Variants in ZNF746 observed in about 807,000 individuals in gnomAD.
ZNF746 encodes parkin-interacting substrate.
A neutral mutation model predicts 41.0 loss-of-function variants in ZNF746; 13 were observed. The ratio of observed to expected loss-of-function variants is 0.32; its 90% CI spans 0.21 to 0.50. The LOEUF (loss-of-function observed/expected upper bound fraction) is 0.50, where lower values mean the gene tolerates loss of function less well. Ranked by LOEUF, ZNF746 falls within the 20% of genes least tolerant of loss-of-function variation. The probability of loss-of-function intolerance (pLI) is 0.98; values close to 1 mark genes in which losing one functional copy is unlikely to be tolerated. For missense variants in ZNF746, 811 were observed against 922.9 expected, an observed-to-expected ratio of 0.88 and a Z score of 1.57; for synonymous variants, 424 against 396.2, an observed-to-expected ratio of 1.07 and a Z score of -0.83.
chr7:149,497,212 A>G lies in ZNF746; in HGVS notation c.24+301T>C, dbSNP rs1157764866. 1 of 983,610 alleles carries G rather than the reference A, an allele frequency of 1.0e-6. No individual in the cohort carries two copies. Among genetic ancestry groups the G allele is most frequent in the Non-Finnish European group, 1.2e-6 (1 of 828,574 alleles). The allele number at this position is 983,610 out of a possible 1,614,324, so 60.9% of individuals were successfully genotyped here. A position where few individuals can be genotyped will look rare whatever the true frequency, so the allele number is the denominator to read the frequency against. ...AGCCGCGGGTGGGGGGGCACCCAGA[A>G]GGAGGGGACAGCGGCTGGGGCGGGG... is the stretch of plus-strand genomic sequence containing the variant. On this transcript the variant is annotated intron_variant, in intron 1 of 6. Transcript: ENST00000458143. This position sits in a 1 kb window ranked among gnomAD's most constrained non-coding sequence, Gnocchi z 4.2.
chr7:149,476,705 A>ATG (rs1279085435), intron 6 of ZNF746, among the ~76,000 whole-genome samples: 6 of 152,378 alleles, frequency 3.9e-5, no homozygotes, highest in African/African-American at 1.4e-4. Context: ...AAAAAGCAAC[A>ATG]GACTGAAACA....
chr7:149,492,017 C>A, intron 4 of ZNF746: 2 of 702,514 alleles, frequency 2.8e-6, no homozygotes, highest in South Asian at 3.0e-5. Flanking sequence ...TAAGGCTGAC[C>A]AATGTAGACC....
intron 4 of ZNF746, among the ~76,000 whole-genome samples, chr7:149,479,249 A>G (rs1800415226): frequency 6.6e-6 from 1 of 152,248 alleles, no homozygotes; most frequent in Non-Finnish European, 1.5e-5. Flanking sequence ...AACCACAGCA[A>G]AGACAAAGAG....
rs888819258 is a variant in ZNF746, at chr7:149,472,864, T to C, written c.*1520A>G. 1 of 152,612 alleles carries C rather than the reference T, an allele frequency of 6.6e-6. No homozygotes were observed. The highest frequency in any genetic ancestry group is 1.5e-5 in the Non-Finnish European group (1 of 68,032). The allele number at this position is 152,612 out of a possible 1,614,324, so 9.5% of individuals were successfully genotyped here. The stretch of plus-strand genomic sequence containing the variant: ...TTTCAAAATATCAGTTATATCAATA[T>C]TAGAAGTGTAAACAGGTACAAAATA... On this transcript the variant is annotated 3_prime_UTR_variant, in exon 7 of 7. Transcript: ENST00000458143.
In ZNF746 at chr7:149,475,295, C is replaced by G; in HGVS notation, c.1072G>C (p.Val358Leu). Residue 358 changes from valine (V) to leucine (L), a missense_variant, in exon 7 of 7, where the codon GTG becomes CTG. Val to Leu is a conservative substitution (Grantham distance 32, BLOSUM62 1). Coordinates refer to ENST00000458143, the MANE Select transcript of ZNF746 (RefSeq NM_001394198.1). ...CGGGCGGGCTCTCGCAGCCCCAGCA[C>G]AGGGTCCTGGCTGGGGAAGGAGCTG... ...QGSSFPSQDP[V>L]LGLREPARPE... The G allele has an allele frequency of 6.2e-7, 1 of 1,613,710 alleles. No homozygotes were observed. Among genetic ancestry groups the G allele is most frequent in the South Asian group, 1.1e-5 (1 of 91,060 alleles).
At chr7:149,492,004 C>T in intron 4 of ZNF746, 1 of 702,956 alleles carries the variant, frequency 1.4e-6, no homozygotes, top group South Asian at 1.5e-5. Context: ...TAATACCAAA[C>T]CATAAGGCTG....
intron 4 of ZNF746, among the ~76,000 whole-genome samples, chr7:149,492,584 T>TCCTCC (rs1800839659): frequency 6.6e-6 from 1 of 152,150 alleles, no homozygotes; most frequent in African/African-American, 2.4e-5. Context: ...CCTCTCAGCG[T>TCCTCC]TCTCCTCTCC....
rs1800261557 is a variant in ZNF746, at chr7:149,475,344, C to T, written c.1023G>A (p.Gln341=). Residue 341 remains glutamine (Q), a synonymous_variant, in exon 7 of 7, where the codon CAG becomes CAA. Transcript: ENST00000458143. Reference sequence around the variant, plus strand: ...TGCCCTGGCTTTCCCAGGCTCCTTCCTGGGCAGGACTAGGGAAGAACCGTG... The same window carrying T: ...TGCCCTGGCTTTCCCAGGCTCCTTCTTGGGCAGGACTAGGGAAGAACCGTG... ...QATRFFPSPA[Q]EGAWESQGSS... is the part of the protein sequence containing the mutation. 7 of 1,613,992 alleles carry T rather than the reference C, an allele frequency of 4.3e-6. No individual in the cohort carries two copies. The South Asian group carries it at 7.7e-5, about 18-fold the overall frequency.
In ZNF746 at chr7:149,497,505, G is replaced by T. The variant is rs1471869574; in HGVS notation, c.24+8C>A. The T allele has an allele frequency of 2.7e-6, 3 of 1,100,748 alleles. No homozygotes were observed. Among genetic ancestry groups the T allele is most frequent in the East Asian group, 6.5e-5 (1 of 15,462 alleles). The allele number at this position is 1,100,748 out of a possible 1,614,324, so 68.2% of individuals were successfully genotyped here. A position where few individuals can be genotyped will look rare whatever the true frequency, so the allele number is the denominator to read the frequency against. Reference sequence around the variant, plus strand: ...CCGCGAGTCCCTGCGCGCGCGGGTCGCCCTTACCGGAGCCGCGACCGCCTC... The same window carrying T: ...CCGCGAGTCCCTGCGCGCGCGGGTCTCCCTTACCGGAGCCGCGACCGCCTC... On this transcript the variant is annotated splice_region_variant and intron_variant, in intron 1 of 6. Coordinates refer to ENST00000458143, the MANE Select transcript of ZNF746 (RefSeq NM_001394198.1). This position sits in a 1 kb window ranked among gnomAD's most constrained non-coding sequence, Gnocchi z 4.2.
At chr7:149,491,907 C>T (rs1800821329) in intron 4 of ZNF746, 2 of 701,828 alleles carry the variant, frequency 2.8e-6, no homozygotes, top group Non-Finnish European at 5.2e-6. Flanking sequence ...CTTCCCTTAA[C>T]TTTCAAAGGT....
intron 4 of ZNF746, among the ~76,000 whole-genome samples, chr7:149,482,027 A>G (rs562947807): frequency 6.6e-6 from 1 of 152,360 alleles, no homozygotes; most frequent in East Asian, 1.9e-4. Flanking sequence ...CCAAGATATA[A>G]AAAATGTTAC....
Position 149,474,526 on chromosome 7 carries a change from C to T in ZNF746, c.1841G>A (p.Gly614Asp), listed in dbSNP as rs200322947. 16 of 1,600,066 alleles carry T rather than the reference C, an allele frequency of 1.0e-5. No individual in the cohort carries two copies. Among genetic ancestry groups the T allele is most frequent in the African/African-American group, 1.3e-5 (1 of 74,544 alleles). ...TGCGGGCGGCGTCGGGAGTGGCTGG[C>T]CTCGGGCCGGGGTCTTGGCGCCCGC... ...HAAGAKTPAR[G>D]QPLPTPPAPP... Residue 614 changes from glycine to aspartate, a missense_variant, in exon 7 of 7, where the codon GGC becomes GAC. Around this residue, in one of 4 missense-constraint regions of ZNF746, gnomAD observed 99 missense variants for 80.3 expected, o/e 1.23. Coordinates refer to ENST00000458143, the MANE Select transcript of ZNF746 (RefSeq NM_001394198.1). The surrounding 1 kb of genome is among the most constrained non-coding windows in gnomAD (Gnocchi z 6.3).
In ZNF746 at chr7:149,474,601, T is replaced by C. The variant is rs759314340; in HGVS notation, c.1766A>G (p.Lys589Arg). ...GAGGTGGTCCTTGCGGATGAAGCTT[T>C]TGCCGCAGACGGTGCAGGTGAAGGG... ...VRPFTCTVCG[K>R]SFIRKDHLRK... Residue 589 changes from lysine to arginine, a missense_variant, in exon 7 of 7, where the codon AAA becomes AGA. Physicochemically the swap from Lys to Arg is conservative, Grantham distance 26 (BLOSUM62 2). Around this residue, in one of 4 missense-constraint regions of ZNF746, gnomAD observed 70 missense variants for 127.6 expected, o/e 0.55. Coordinates refer to ENST00000458143, the MANE Select transcript of ZNF746 (RefSeq NM_001394198.1). The surrounding 1 kb of genome is among the most constrained non-coding windows in gnomAD (Gnocchi z 6.3). 8.1e-6 allele frequency: 13 copies of C among 1,612,976 alleles called. No homozygotes were observed. Among genetic ancestry groups the C allele is most frequent in the Non-Finnish European group, 1.1e-5 (13 of 1,179,304 alleles).
At chr7:149,495,659 T>C (rs1240416197) in intron 1 of ZNF746, among the ~76,000 whole-genome samples, 1 of 152,176 alleles carries the variant, frequency 6.6e-6, no homozygotes, top group African/African-American at 2.4e-5. Context: ...AATGAAGAAG[T>C]AGCTACTAGA....
intron 4 of ZNF746, among the ~76,000 whole-genome samples, chr7:149,485,534 A>C (rs190481571): frequency 6.6e-6 from 1 of 152,366 alleles, no homozygotes; most frequent in Non-Finnish European, 1.5e-5. Flanking sequence ...TTTAGTAGGA[A>C]ATATGAGAAG....
chr7:149,493,864 A>C lies in ZNF746; in HGVS notation c.451+125T>G, dbSNP rs1056082171. 5.3e-6 allele frequency: 8 copies of C among 1,503,010 alleles called. 1 individual carries two copies. In the Admixed American group the frequency reaches 1.3e-4, roughly 24 times the overall value. The allele number at this position is 1,503,010 out of a possible 1,614,324, so 93.1% of individuals were successfully genotyped here. On this transcript the variant is annotated intron_variant, in intron 3 of 6. Coordinates refer to ENST00000458143, the MANE Select transcript of ZNF746 (RefSeq NM_001394198.1). The stretch of plus-strand genomic sequence containing the variant: ...GGGCTCATCCTTCACAAAAGGTAAC[A>C]ACTTGCAAGGTCAACAATGTTTCTG...
intron 4 of ZNF746, chr7:149,490,093 A>G: frequency 6.5e-6 from 1 of 152,724 alleles, no homozygotes. Context: ...CTTTGGCTGG[A>G]GGGTTGACAG....
At position 149,497,723 on chromosome 7, in the gene ZNF746, G is replaced by T; in HGVS notation, c.-187C>A. 1 of 246,492 alleles carries T rather than the reference G, an allele frequency of 4.1e-6. No individual in the cohort carries two copies. Among genetic ancestry groups the T allele is most frequent in the Non-Finnish European group, 6.5e-6 (1 of 153,260 alleles). The allele number at this position is 246,492 out of a possible 1,614,324, so 15.3% of individuals were successfully genotyped here. A position where few individuals can be genotyped will look rare whatever the true frequency, so the allele number is the denominator to read the frequency against. On this transcript the variant is annotated 5_prime_UTR_variant, in exon 1 of 7. Coordinates refer to ENST00000458143, the MANE Select transcript of ZNF746 (RefSeq NM_001394198.1). The surrounding 1 kb of genome is among the most constrained non-coding windows in gnomAD (Gnocchi z 4.2). ...AGTCGCGCCGCCTCCGTCAGCGCCC[G>T]GCCGGTCCACACTGCATCCTGGGAG...
Position 149,497,545 on chromosome 7 carries a change from G to A in ZNF746, c.-9C>T, listed in dbSNP as rs1229742336. 18 of 1,079,354 alleles carry A rather than the reference G, an allele frequency of 1.7e-5. No homozygotes were observed. The highest frequency in any genetic ancestry group is 2.0e-5 in the Non-Finnish European group (18 of 893,794). 66.9% of individuals were successfully genotyped at this position (1,079,354 alleles called of 1,614,324 possible). ...GCGACCGCCTCGGCCATGGCCCTGC[G>A]CTGTCCCGCCCGGCCCGGAGGAAGT... On this transcript the variant is annotated 5_prime_UTR_variant, in exon 1 of 7. Coordinates refer to ENST00000458143, the MANE Select transcript of ZNF746 (RefSeq NM_001394198.1). This position sits in a 1 kb window ranked among gnomAD's most constrained non-coding sequence, Gnocchi z 4.2.
Sources: allele counts gnomAD v4.1 joint callset (sites outside exome capture counted in the v4.1 genomes callset), GRCh38; gene constraint gnomAD v4.1.1; regional missense constraint gnomAD v4.1.1; non-coding constraint Gnocchi (gnomAD v3.1); transcripts MANE v1.5; gene names NCBI Gene and HGNC (gene_info 2026-07-23, HGNC 2026-07-21).